The following ZNF662 variants were observed in gnomAD, a reference collection of about 807,000 sequenced individuals.
The protein encoded by ZNF662 is zinc finger protein 662.
A neutral mutation model predicts 12.4 loss-of-function variants in ZNF662; 14 were observed. The observed-to-expected ratio is 1.13, with a 90% CI of 0.75 to 1.77. The LOEUF (loss-of-function observed/expected upper bound fraction) is 1.77, where lower values mean the gene tolerates loss of function less well. ZNF662 is among the 40% of genes most tolerant of loss of function. The pLI is 0.00. For synonymous variants in ZNF662, 184 were observed against 176.4 expected, an observed-to-expected ratio of 1.04 and a Z score of -0.34; for missense variants, 550 against 515.6, an observed-to-expected ratio of 1.07 and a Z score of -0.65.
chr3:42,912,887 G>T (rs1223461510), intron 3 of ZNF662, among the ~76,000 whole-genome samples: 1 of 149,508 alleles, frequency 6.7e-6, no homozygotes, highest in African/African-American at 2.5e-5. Flanking sequence ...CCACAGGTGT[G>T]TGCCACCATG....
At position 42,914,637 on chromosome 3, in the gene ZNF662, G is replaced by A. The variant is rs774489250; in HGVS notation, c.564G>A (p.Glu188=). 6.2e-7 allele frequency: 1 copy of A among 1,614,134 alleles called. No homozygotes were observed. The highest frequency in any genetic ancestry group is 1.7e-5 in the Admixed American group (1 of 60,010). The change falls in exon 5 of 5, where the codon GAG becomes GAA. Residue 188 remains glutamate, a synonymous_variant. Coordinates refer to ENST00000440367, the MANE Select transcript of ZNF662 (RefSeq NM_207404.4). The part of the protein sequence containing the change: ...LLGIHHKILN[E]QIFYICEECG... ...GTATACATCACAAAATTCTAAATGA[G>A]CAAATATTCTATATATGTGAGGAAT... is the stretch of plus-strand genomic sequence containing the variant.
Position 42,917,635 on chromosome 3 carries a change from C to A in ZNF662, c.*2281C>A. The A allele has an allele frequency of 4.4e-6, 3 of 683,124 alleles. No homozygotes were observed. In the South Asian group the frequency reaches 4.7e-5, roughly 11 times the overall value. The allele number at this position is 683,124 out of a possible 1,614,324, so 42.3% of individuals were successfully genotyped here. On this transcript the variant is annotated 3_prime_UTR_variant, in exon 5 of 5. Coordinates refer to ENST00000440367, the MANE Select transcript of ZNF662 (RefSeq NM_207404.4). ...GCTATGTGAGCCAATAAACATCTGT[C>A]AAACGAGTTAGAGTTGAGTTTTCTG...
In ZNF662 at chr3:42,912,707, A is replaced by AAT. The variant is rs1217000499; in HGVS notation, c.152-481_152-480dup. On this transcript the variant is annotated intron_variant, in intron 3 of 4. Coordinates refer to ENST00000440367, the MANE Select transcript of ZNF662 (RefSeq NM_207404.4). ...AATATATATATATTTTATATATATA[A>AAT]ATATATATATATATTTTTTATATAT... Among the ~76,000 whole-genome samples the AAT allele has an allele frequency of 1.2e-3, 73 of 61,556 alleles. 4 individuals carry two copies. The highest frequency in any genetic ancestry group is 4.3e-3 in the African/African-American group (58 of 13,356). 40.4% of individuals were successfully genotyped at this position (61,556 alleles called of 152,430 possible).
At chr3:42,913,121 C>A in intron 3 of ZNF662, 80 bp from the exon 4 acceptor site, 2 of 971,902 alleles carry the variant, frequency 2.1e-6, no homozygotes, top group Non-Finnish European at 3.3e-6. Context: ...TCTCTCCCTA[C>A]CACTTCCATG....
In ZNF662 at chr3:42,917,670, A is replaced by G; in HGVS notation, c.*2316A>G. ...AGAGTTGAGTTTTCTGTTATTTGCA[A>G]CTTAGCCACACTAATACTGTTTTGT... On this transcript the variant is annotated 3_prime_UTR_variant, in exon 5 of 5. Transcript: ENST00000440367. 1.5e-6 allele frequency: 1 copy of G among 655,134 alleles called. No individual in the cohort carries two copies. The allele number at this position is 655,134 out of a possible 1,614,324, so 40.6% of individuals were successfully genotyped here. A position where few individuals can be genotyped will look rare whatever the true frequency, so the allele number is the denominator to read the frequency against.
At position 42,915,484 on chromosome 3, in the gene ZNF662, C is replaced by A; in HGVS notation, c.*130C>A. On this transcript the variant is annotated 3_prime_UTR_variant, in exon 5 of 5. Transcript: ENST00000440367. ...GCCAGTATTATCTTGCCCTTTTGAA[C>A]ATTTACCATGTACTCTAGCAAGACT... The A allele has an allele frequency of 1.2e-6, 1 of 857,712 alleles. No homozygotes were observed. The highest frequency in any genetic ancestry group is 1.8e-6 in the Non-Finnish European group (1 of 565,790). The allele number at this position is 857,712 out of a possible 1,614,324, so 53.1% of individuals were successfully genotyped here. A position where few individuals can be genotyped will look rare whatever the true frequency, so the allele number is the denominator to read the frequency against.
intron 3 of ZNF662, among the ~76,000 whole-genome samples, chr3:42,912,700 A>ATAGATAAATATATATATATATTTTT (rs2088838463): frequency 3.4e-5 from 3 of 87,046 alleles, no homozygotes; most frequent in African/African-American, 4.8e-5. Context: ...TATATTTTAT[A>ATAGATAAATATATATATATATTTTT]TATATAAATA....
rs1219819715 is a variant in ZNF662, at chr3:42,915,307, A to G, written c.1234A>G (p.Arg412Gly). ...VLIKHQRRHA[R>G]DKPYNCQISH... is the part of the protein sequence containing the mutation. ...AATTAAGCACCAGAGGCGCCATGCT[A>G]GAGACAAACCCTATAACTGTCAGAT... Residue 412 changes from arginine to glycine, a missense_variant, in exon 5 of 5, where the codon AGA becomes GGA. Coordinates refer to ENST00000440367, the MANE Select transcript of ZNF662 (RefSeq NM_207404.4). The G allele has an allele frequency of 5.0e-6, 8 of 1,607,612 alleles. No individual in the cohort carries two copies. In the East Asian group the frequency reaches 8.9e-5, roughly 18 times the overall value.
intron 2 of ZNF662, chr3:42,908,388 G>T: frequency 7.6e-7 from 1 of 1,320,506 alleles, no homozygotes; most frequent in Non-Finnish European, 9.7e-7. Flanking sequence ...CTTGTGTTGT[G>T]GGTATAGTGA....
rs369433622 is a variant in ZNF662, at chr3:42,914,949, G to A, written c.876G>A (p.Thr292=). The A allele has an allele frequency of 2.4e-5, 39 of 1,613,682 alleles. No homozygotes were observed. The highest frequency in any genetic ancestry group is 6.7e-5 in the African/African-American group (5 of 74,776). Residue 292 remains threonine, a synonymous_variant, in exon 5 of 5, where the codon ACG becomes ACA. Transcript: ENST00000440367. ...GCTTTAGTCAGAACACAAGCCTTAC[G>A]CAACATCAACGGATCCACACTGGTG... ...GKGFSQNTSL[T]QHQRIHTGEK... is the part of the protein sequence containing the mutation.
rs778017270 is a variant in ZNF662, at chr3:42,908,813, C to G, written c.55C>G (p.Pro19Ala). ...ASLAAFPFPK[P>A]ALISQLERGE... ...TTAAGCAGCATTTCCATTTCCCAAA[C>G]CGGCTCTGATTTCCCAGCTGGAGCG... The change falls in exon 3 of 5, where the codon CCG (proline) becomes GCG (alanine). Residue 19 changes from proline to alanine, a missense_variant. By Grantham distance (27) the Pro-to-Ala change is conservative (BLOSUM62 -1). Coordinates refer to ENST00000440367, the MANE Select transcript of ZNF662 (RefSeq NM_207404.4). The G allele has an allele frequency of 1.2e-6, 2 of 1,613,986 alleles. No individual in the cohort carries two copies. The highest frequency in any genetic ancestry group is 1.7e-6 in the Non-Finnish European group (2 of 1,180,000).
rs1325671897 is a variant in ZNF662 at position 42,915,987 on chromosome 3, AC to A, written c.*635del. ...TAACCCCAGCTAAATGACTCTGAGGACCAACAGTACATTTCTTTTATGTTTT... is the reference window on the plus strand; with the variant it reads ...TAACCCCAGCTAAATGACTCTGAGGACAACAGTACATTTCTTTTATGTTTT... On this transcript the variant is annotated 3_prime_UTR_variant, in exon 5 of 5. Transcript: ENST00000440367. 2.0e-5 allele frequency: 3 copies of A among 152,138 alleles called. No individual in the cohort carries two copies. The highest frequency in any genetic ancestry group is 4.4e-5 in the Non-Finnish European group (3 of 68,040). The allele number at this position is 152,138 out of a possible 1,614,324, so 9.4% of individuals were successfully genotyped here. A position where few individuals can be genotyped will look rare whatever the true frequency, so the allele number is the denominator to read the frequency against.
rs768465101 is a variant in ZNF662 at position 42,906,631 on chromosome 3, G to A, written c.-94+463G>A. Among the ~76,000 whole-genome samples, 7 of 152,228 alleles carry A rather than the reference G, an allele frequency of 4.6e-5. No homozygotes were observed. Among genetic ancestry groups the A allele is most frequent in the Non-Finnish European group, 1.0e-4 (7 of 68,038 alleles). On this transcript the variant is annotated intron_variant, in intron 1 of 4. Coordinates refer to ENST00000440367, the MANE Select transcript of ZNF662 (RefSeq NM_207404.4). This position sits in a 1 kb window ranked among gnomAD's most constrained non-coding sequence, Gnocchi z 4.4. Reference sequence around the variant, plus strand: ...GGAGAGCAGACGTGCAGCGGCACGGGGTTGAGCCGACTGCTGGGGCAGAGC... The same window carrying A: ...GGAGAGCAGACGTGCAGCGGCACGGAGTTGAGCCGACTGCTGGGGCAGAGC...
rs991806692 is a variant in ZNF662 at position 42,913,321 on chromosome 3, A to C, written c.253+19A>C. 3 of 1,559,434 alleles carry C rather than the reference A, an allele frequency of 1.9e-6. No homozygotes were observed. Among genetic ancestry groups the C allele is most frequent in the African/African-American group, 2.7e-5 (2 of 73,792 alleles). Reference sequence around the variant, plus strand: ...TGTCCGGGTAAGTGAGAGGGAAATGAGCATTCTTCTCTCAGTCACATCTTT... The same window carrying C: ...TGTCCGGGTAAGTGAGAGGGAAATGCGCATTCTTCTCTCAGTCACATCTTT... On this transcript the variant is annotated intron_variant, in intron 4 of 4. Coordinates refer to ENST00000440367, the MANE Select transcript of ZNF662 (RefSeq NM_207404.4).
intron 3 of ZNF662, among the ~76,000 whole-genome samples, chr3:42,912,667 T>TAAATATATATATA (rs1491154427): frequency 4.5e-4 from 13 of 28,590 alleles, no homozygotes; most frequent in Non-Finnish European, 7.2e-4. Context: ...TATATATATA[T>TAAATATATATATA]TTTTTATATA....
At position 42,906,708 on chromosome 3, in the gene ZNF662, T is replaced by C. The variant is rs1319826956; in HGVS notation, c.-94+540T>C. 1.3e-5 allele frequency among the ~76,000 whole-genome samples: 2 copies of C among 152,186 alleles called. No individual in the cohort carries two copies. The highest frequency in any genetic ancestry group is 4.8e-5 in the African/African-American group (2 of 41,436). ...ATGGCCAGAATTTCAGAGCTGCCTT[T>C]ACAGAGCTGGTTATGTTTGAGCTGG... is the stretch of plus-strand genomic sequence containing the variant. On this transcript the variant is annotated intron_variant, in intron 1 of 4. Coordinates refer to ENST00000440367, the MANE Select transcript of ZNF662 (RefSeq NM_207404.4). The surrounding 1 kb of genome is among the most constrained non-coding windows in gnomAD (Gnocchi z 4.4).
At chr3:42,910,905 C>A (rs114770009) in intron 3 of ZNF662, among the ~76,000 whole-genome samples, 2,103 of 152,276 alleles carry the variant, frequency 0.014, 58 homozygotes, top group African/African-American at 0.048. Context: ...TTTGTTGTTT[C>A]ATGTAACTGG....
Position 42,906,562 on chromosome 3 carries a change from A to T in ZNF662, c.-94+394A>T. The T allele has an allele frequency of 1.2e-6, 1 of 849,728 alleles. No individual in the cohort carries two copies. Among genetic ancestry groups the T allele is most frequent in the Non-Finnish European group, 1.7e-6 (1 of 591,016 alleles). The allele number at this position is 849,728 out of a possible 1,614,324, so 52.6% of individuals were successfully genotyped here. On this transcript the variant is annotated intron_variant, in intron 1 of 4. Coordinates refer to ENST00000440367, the MANE Select transcript of ZNF662 (RefSeq NM_207404.4). The surrounding 1 kb of genome is among the most constrained non-coding windows in gnomAD (Gnocchi z 4.4). ...AACCCAGAGTGAGGGGCCTCGAGGG[A>T]CAGGCAGCACAGCGGAGTCGACACC...
intron 3 of ZNF662, among the ~76,000 whole-genome samples, chr3:42,912,779 G>A (rs577343405): frequency 2.1e-4 from 25 of 120,050 alleles, no homozygotes; most frequent in South Asian, 8.4e-4. Flanking sequence ...TCACTCTGTC[G>A]CCCAGGCTGG....
Sources: gnomAD v4.1 joint callset for allele counts (sites outside exome capture counted in the v4.1 genomes callset) on GRCh38, gnomAD v4.1.1 for gene constraint, Gnocchi (gnomAD v3.1) non-coding constraint, MANE v1.5 for transcripts, NCBI Gene and HGNC (gene_info 2026-07-23, HGNC 2026-07-21) for gene names.